Variants in TMCC3 observed in about 807,000 individuals in gnomAD.
TMCC3 encodes transmembrane and coiled-coil domain protein 3.
A neutral mutation model predicts 40.2 loss-of-function variants in TMCC3; 28 were observed. The observed-to-expected ratio is 0.70, with a 90% CI of 0.52 to 0.95. The LOEUF (loss-of-function observed/expected upper bound fraction) is 0.95, where lower values mean the gene tolerates loss of function less well. TMCC3 is among the 40% of genes least tolerant of loss of function. The probability of loss-of-function intolerance (pLI) is 0.00; values close to 1 mark genes in which losing one functional copy is unlikely to be tolerated. For missense variants in TMCC3, 554 were observed against 615.2 expected (o/e 0.90, Z 1.05); for synonymous variants, 255 against 248.5 (o/e 1.03, Z -0.25).
intron 1 of TMCC3, chr12:94,590,796 C>A: frequency 2.2e-6 from 1 of 449,556 alleles, no homozygotes. Flanking sequence ...TCAGGAGAGG[C>A]GGGAGACGGC....
At chr12:94,598,633 C>T in intron 1 of TMCC3, 1 of 985,412 alleles carries the variant, frequency 1.0e-6, no homozygotes, top group Non-Finnish European at 1.2e-6. Context: ...TACATAAACT[C>T]CCTCTTTGGC....
At position 94,590,260 on chromosome 12, in the gene TMCC3, A is replaced by ATTTTTTTTTTTT. The variant is rs72186655; in HGVS notation, c.79-7734_79-7723dup. On this transcript the variant is annotated intron_variant, in intron 1 of 3. Coordinates refer to ENST00000261226, the MANE Select transcript of TMCC3 (RefSeq NM_020698.4). ...AGGTGAGTGCCACCACGCCCTGCTA[A>ATTTTTTTTTTTT]TTTTTTTTTTTTTTTTTTTTTTTTT... Among the ~76,000 whole-genome samples, 69 of 85,354 alleles carry ATTTTTTTTTTTT rather than the reference A, an allele frequency of 8.1e-4. 1 individual carries two copies. Among genetic ancestry groups the ATTTTTTTTTTTT allele is most frequent in the African/African-American group, 3.6e-3 (65 of 18,228 alleles). 56.0% of individuals were successfully genotyped at this position (85,354 alleles called of 152,430 possible). A position where few individuals can be genotyped will look rare whatever the true frequency, so the allele number is the denominator to read the frequency against.
intron 1 of TMCC3, among the ~76,000 whole-genome samples, chr12:94,612,927 C>T (rs1388379262): frequency 2.0e-5 from 3 of 152,114 alleles, no homozygotes; most frequent in Admixed American, 1.3e-4. Context: ...GGAGCAAGTG[C>T]CCCTGTTAGG....
intron 2 of TMCC3, among the ~76,000 whole-genome samples, chr12:94,578,985 GTATCA>G (rs1350878749): frequency 1.3e-5 from 2 of 152,194 alleles, no homozygotes; most frequent in African/African-American, 4.8e-5. Context: ...CATGCTTTTA[GTATCA>G]CCTTCTACTC....
chr12:94,616,593 G>A (rs2068849325), intron 1 of TMCC3, among the ~76,000 whole-genome samples: 1 of 152,222 alleles, frequency 6.6e-6, no homozygotes, highest in Admixed American at 6.5e-5. Flanking sequence ...GTAGTGGCCG[G>A]GGGAGAGACA....
At chr12:94,605,469 C>T (rs941101695) in intron 1 of TMCC3, among the ~76,000 whole-genome samples, 2 of 152,034 alleles carry the variant, frequency 1.3e-5, no homozygotes, top group Non-Finnish European at 2.9e-5. Flanking sequence ...ATTAAGTAAG[C>T]GTCTATCTGG....
At chr12:94,650,212 C>T in intron 1 of TMCC3, 141 bp downstream of exon 1, 1 of 389,700 alleles carries the variant, frequency 2.6e-6, no homozygotes. Flanking sequence ...CTCGGAGGAT[C>T]GGGGAGGCAC....
intron 1 of TMCC3, among the ~76,000 whole-genome samples, chr12:94,623,685 C>A (rs926038400): frequency 6.6e-6 from 1 of 152,234 alleles, no homozygotes; most frequent in Non-Finnish European, 1.5e-5. Flanking sequence ...TGGGGGAATC[C>A]CGAATAAATG....
chr12:94,623,333 C>T (rs989325413), intron 1 of TMCC3, among the ~76,000 whole-genome samples: 1 of 152,066 alleles, frequency 6.6e-6, no homozygotes, highest in African/African-American at 2.4e-5. Context: ...ACTTTTACGT[C>T]ATCACGTCAG....
chr12:94,622,058 A>G (rs2068878574), intron 1 of TMCC3, among the ~76,000 whole-genome samples: 1 of 152,230 alleles, frequency 6.6e-6, no homozygotes, highest in East Asian at 1.9e-4. Context: ...GGACAATTCA[A>G]AGTTTTCGGA....
chr12:94,603,206 T>C (rs1594282648), intron 1 of TMCC3, among the ~76,000 whole-genome samples: 1 of 152,322 alleles, frequency 6.6e-6, no homozygotes, highest in East Asian at 1.9e-4. Flanking sequence ...TGCCTCAGCT[T>C]CCCGAGTACC....
rs536207839 is a variant in TMCC3, at chr12:94,640,855, A to C, written c.78+9498T>G. Among the ~76,000 whole-genome samples, 4 of 152,326 alleles carry C rather than the reference A, an allele frequency of 2.6e-5. No homozygotes were observed. The South Asian group carries it at 6.2e-4, about 24-fold the overall frequency. The stretch of plus-strand genomic sequence containing the variant: ...GCTCAAATCCAGAGGTAAGCTTAAG[A>C]GAGGGATGTTGGGGGCAACGAGGAA... On this transcript the variant is annotated intron_variant, in intron 1 of 3. Coordinates refer to ENST00000261226, the MANE Select transcript of TMCC3 (RefSeq NM_020698.4).
At chr12:94,611,815 C>G (rs974755954) in intron 1 of TMCC3, among the ~76,000 whole-genome samples, 2 of 150,530 alleles carry the variant, frequency 1.3e-5, no homozygotes, top group African/African-American at 4.9e-5. Flanking sequence ...TGCAATTTTT[C>G]TTCCTAAATA....
At chr12:94,583,576 T>C (rs2068620540) in intron 1 of TMCC3, among the ~76,000 whole-genome samples, 1 of 152,124 alleles carries the variant, frequency 6.6e-6, no homozygotes, top group Non-Finnish European at 1.5e-5. Flanking sequence ...TCAAGGGCCA[T>C]TTAGGGAAAA....
rs938765841 is a variant in TMCC3, at chr12:94,568,777, G to A, written c.*2658C>T. 6.6e-5 allele frequency: 10 copies of A among 152,168 alleles called. No homozygotes were observed. Among genetic ancestry groups the A allele is most frequent in the African/African-American group, 2.4e-4 (10 of 41,436 alleles). The allele number at this position is 152,168 out of a possible 1,614,324, so 9.4% of individuals were successfully genotyped here. ...ACTGCAAAATAAATATGCCAGGTAG[G>A]TTGAGCCTATCCAAGTGAAAACAAG... On this transcript the variant is annotated 3_prime_UTR_variant, in exon 4 of 4. Transcript: ENST00000261226.
chr12:94,650,268 C>T lies in TMCC3; in HGVS notation c.78+85G>A, dbSNP rs533278854. The T allele has an allele frequency of 4.4e-4, 377 of 848,462 alleles. 3 individuals carry two copies. In the African/African-American group the frequency reaches 6.0e-3, roughly 14 times the overall value. 52.6% of individuals were successfully genotyped at this position (848,462 alleles called of 1,614,324 possible). A position where few individuals can be genotyped will look rare whatever the true frequency, so the allele number is the denominator to read the frequency against. ...GGGCGGCGGCGAAACGCCGGGGGCG[C>T]GTGGGTTAGCACTGAGCCGCCGCCC... On this transcript the variant is annotated intron_variant, in intron 1 of 3. Transcript: ENST00000261226.
At chr12:94,584,362 C>T (rs11615468) in intron 1 of TMCC3, among the ~76,000 whole-genome samples, 29,399 of 152,030 alleles carry the variant, frequency 0.19, 3,688 homozygotes, top group Non-Finnish European at 0.27. Flanking sequence ...AAAAGCTCCC[C>T]GCAGCCTCCC....
At chr12:94,648,220 T>TTTA (rs1555286914) in intron 1 of TMCC3, among the ~76,000 whole-genome samples, 9 of 149,638 alleles carry the variant, frequency 6.0e-5, no homozygotes, top group African/African-American at 2.0e-4. Context: ...AGTAGAATTG[T>TTTA]TTTATTTATT....
At chr12:94,607,269 G>C (rs1004825736) in intron 1 of TMCC3, among the ~76,000 whole-genome samples, 4 of 146,472 alleles carry the variant, frequency 2.7e-5, no homozygotes, top group Non-Finnish European at 5.9e-5. Flanking sequence ...AAGGTGCACT[G>C]ATTTCATATT....
Sources: gnomAD v4.1 joint callset for allele counts (sites outside exome capture counted in the v4.1 genomes callset) on GRCh38, gnomAD v4.1.1 for gene constraint, MANE v1.5 for transcripts, NCBI Gene and HGNC (gene_info 2026-07-23, HGNC 2026-07-21) for gene names.